USH1C: variants seen among roughly 807,000 people sequenced by gnomAD.
USH1C encodes the protein USH1 protein network component harmonin, also known as harmonin.
A neutral mutation model predicts 119.3 loss-of-function variants in USH1C; 90 were observed. That is an observed-to-expected ratio of 0.75 (90% CI 0.64 to 0.90). The LOEUF (loss-of-function observed/expected upper bound fraction) is 0.90. USH1C is among the 40% of genes least tolerant of loss of function. USH1C has a pLI of 0.00. For synonymous variants in USH1C, 465 were observed against 443.3 expected (o/e 1.05, Z -0.62); for missense variants, 1,165 against 1,167.7 (o/e 1.00, Z 0.03).
chr11:17,531,694 C>T lies in USH1C; in HGVS notation c.105-152G>A, dbSNP rs1850993720. On this transcript the variant is annotated intron_variant, in intron 2 of 26. Coordinates refer to ENST00000005226, the MANE Select transcript of USH1C (RefSeq NM_153676.4). The surrounding 1 kb of genome is among the most constrained non-coding windows in gnomAD (Gnocchi z 4.2). ...AAGCCCAGAGCTCTTCACACCGGGC[C>T]AGTGCCTGAGAAGACTTTGTTCTCT... is the stretch of plus-strand genomic sequence containing the variant. 1 of 976,130 alleles carries T rather than the reference C, an allele frequency of 1.0e-6. No homozygotes were observed. 60.5% of individuals were successfully genotyped at this position (976,130 alleles called of 1,614,324 possible). A position where few individuals can be genotyped will look rare whatever the true frequency, so the allele number is the denominator to read the frequency against.
intron 1 of USH1C, among the ~76,000 whole-genome samples, chr11:17,542,530 C>T (rs769742631): frequency 1.1e-4 from 16 of 152,184 alleles, no homozygotes; most frequent in East Asian, 1.9e-4. Flanking sequence ...GCAGAGGAAA[C>T]GTGGAGGTCT....
At chr11:17,501,439 C>G in intron 22 of USH1C, 43 bp downstream of exon 22, 1 of 1,601,518 alleles carries the variant, frequency 6.2e-7, no homozygotes, top group Non-Finnish European at 8.5e-7. Flanking sequence ...GGGGCAGGCA[C>G]AGAGAGGGAT....
At position 17,531,583 on chromosome 11, in the gene USH1C, C is replaced by A; in HGVS notation, c.105-41G>T. The A allele has an allele frequency of 1.2e-6, 2 of 1,608,738 alleles. No individual in the cohort carries two copies. The highest frequency in any genetic ancestry group is 8.5e-7 in the Non-Finnish European group (1 of 1,179,468). ...GAATGCCTGGAGCCTCACCCCTGGC[C>A]ATGACCTCAGGCACCCAGGGATTCC... On this transcript the variant is annotated intron_variant, in intron 2 of 26. Coordinates refer to ENST00000005226, the MANE Select transcript of USH1C (RefSeq NM_153676.4). This position sits in a 1 kb window ranked among gnomAD's most constrained non-coding sequence, Gnocchi z 4.2.
Position 17,509,737 on chromosome 11 carries a change from G to T in USH1C, c.1632C>A (p.Asp544Glu), listed in dbSNP as rs142545736. The change falls in exon 18 of 27, where the codon GAC becomes GAA. Residue 544 changes from aspartate (D) to glutamate (E), a missense_variant. Transcript: ENST00000005226. ...AGTAGAACATGTCCAAAGGGATGTC[G>T]TCCAGGTCAGTGGTGTGCAGGTGCA... Reference protein sequence around the residue: ...GGLHLHTTDLDDIPLDMFYYP... With the variant: ...GGLHLHTTDLEDIPLDMFYYP... 1.8e-5 allele frequency: 29 copies of T among 1,601,808 alleles called. No individual in the cohort carries two copies. In the East Asian group the frequency reaches 5.6e-4, roughly 31 times the overall value.
chr11:17,526,519 G>T, intron 7 of USH1C, 78 bp from the exon 8 acceptor site: 1 of 1,315,076 alleles, frequency 7.6e-7, no homozygotes, highest in East Asian at 2.4e-5. Context: ...GGATCTGCAG[G>T]GCGAGCACTG....
intron 21 of USH1C, 109 bp downstream of exon 21, chr11:17,501,830 C>T (rs1849459083): frequency 1.5e-6 from 2 of 1,322,284 alleles, no homozygotes; most frequent in Non-Finnish European, 1.1e-6. Context: ...CTGTGCCCCA[C>T]CTCATCCCAG....
At chr11:17,495,545 C>T in intron 26 of USH1C, 24 bp downstream of exon 26, 4 of 1,611,022 alleles carry the variant, frequency 2.5e-6, no homozygotes, top group Non-Finnish European at 3.4e-6. Flanking sequence ...CACACAGGGC[C>T]CTGTGGCCCG....
chr11:17,498,190 G>T lies in USH1C; in HGVS notation c.2462C>A (p.Ala821Asp). The change falls in exon 24 of 27, where the codon GCC becomes GAC. Residue 821 changes from alanine to aspartate, a missense_variant. Coordinates refer to ENST00000005226, the MANE Select transcript of USH1C (RefSeq NM_153676.4). Reference sequence around the variant, plus strand: ...GCCCTGATTCCAGGCCTTCTGCAGGGCAGCCTCAGCCTCAGCCAGGGTGTA... The same window carrying T: ...GCCCTGATTCCAGGCCTTCTGCAGGTCAGCCTCAGCCTCAGCCAGGGTGTA... ...TDYTLAEAEA[A>D]LQKAWNQGGD... The T allele has an allele frequency of 6.2e-7, 1 of 1,614,124 alleles. No individual in the cohort carries two copies. The highest frequency in any genetic ancestry group is 1.1e-5 in the South Asian group (1 of 91,078).
chr11:17,506,226 C>A (rs1849644028), intron 18 of USH1C, among the ~76,000 whole-genome samples: 1 of 152,188 alleles, frequency 6.6e-6, no homozygotes, highest in South Asian at 2.1e-4. Flanking sequence ...GCCAGTGTCA[C>A]CCAGGAGACA....
In USH1C at chr11:17,501,971, T is replaced by C. The variant is rs148168494; in HGVS notation, c.2194A>G (p.Lys732Glu). The change falls in exon 21 of 27, where the codon AAA (lysine) becomes GAA (glutamate). Residue 732 changes from lysine (K) to glutamate (E), a missense_variant. Lys to Glu is a moderately conservative substitution (Grantham distance 56). Coordinates refer to ENST00000005226, the MANE Select transcript of USH1C (RefSeq NM_153676.4). ...TAGGGGTCAAAGCCTTCCTCATATT[T>C]CCGGAAATCCTGGAAGCAAAGGGAG... ...YQTAFRQDFRKYEEGFDPYSM... is the reference protein window; with the variant it reads ...YQTAFRQDFREYEEGFDPYSM... 30 of 1,613,582 alleles carry C rather than the reference T, an allele frequency of 1.9e-5. No individual in the cohort carries two copies. The African/African-American group carries it at 3.6e-4, about 19-fold the overall frequency.
chr11:17,518,145 T>A (rs1850241010), intron 14 of USH1C, among the ~76,000 whole-genome samples: 1 of 152,254 alleles, frequency 6.6e-6, no homozygotes. Flanking sequence ...TTTAAAAGCT[T>A]AACAGAACTT....
rs139527957 is a variant in USH1C at position 17,522,462 on chromosome 11, C to T, written c.1019+322G>A. ...ACATAAACAAGGCCCTAATACAACA[C>T]CAGCCTTATGGAGGTACTTGACAAA... On this transcript the variant is annotated intron_variant, in intron 12 of 26. Coordinates refer to ENST00000005226, the MANE Select transcript of USH1C (RefSeq NM_153676.4). Among the ~76,000 whole-genome samples, 61 of 152,332 alleles carry T rather than the reference C, an allele frequency of 4.0e-4. 2 individuals carry two copies. In the East Asian group the frequency reaches 0.011, roughly 27 times the overall value.
At chr11:17,514,802 T>C (rs866629191) in intron 15 of USH1C, among the ~76,000 whole-genome samples, 2,584 of 146,796 alleles carry the variant, frequency 0.018, 85 homozygotes, top group African/African-American at 0.061. Context: ...CAATTCTTTT[T>C]TTTTTTTTTT....
At chr11:17,523,853 A>C (rs1055427810) in intron 9 of USH1C, among the ~76,000 whole-genome samples, 3 of 152,238 alleles carry the variant, frequency 2.0e-5, no homozygotes, top group African/African-American at 7.2e-5. Flanking sequence ...ACATTCACTG[A>C]TCACTTACAA....
chr11:17,543,364 AAT>A (rs1851552063), intron 1 of USH1C, among the ~76,000 whole-genome samples: 1 of 152,078 alleles, frequency 6.6e-6, no homozygotes, highest in Admixed American at 6.5e-5. Context: ...TTAAGTTATC[AAT>A]AGTTACCTGC....
At chr11:17,505,463 TC>T (rs1375635220) in intron 19 of USH1C, among the ~76,000 whole-genome samples, 1 of 152,210 alleles carries the variant, frequency 6.6e-6, no homozygotes, top group Non-Finnish European at 1.5e-5. Context: ...TCTCTAAACC[TC>T]CCTTTCCTCG....
At chr11:17,543,622 C>T (rs1413436187) in intron 1 of USH1C, among the ~76,000 whole-genome samples, 1 of 152,176 alleles carries the variant, frequency 6.6e-6, no homozygotes, top group African/African-American at 2.4e-5. Flanking sequence ...AGTGAGGCCC[C>T]TCACTGGGAC....
At chr11:17,505,371 G>T (rs567449951) in intron 19 of USH1C, among the ~76,000 whole-genome samples, 1 of 152,260 alleles carries the variant, frequency 6.6e-6, no homozygotes. Flanking sequence ...GGGTAACAGC[G>T]TGGGCTTTGG....
rs113015650 is a variant in USH1C at position 17,526,781 on chromosome 11, T to G, written c.551A>C (p.Tyr184Ser). 16 of 1,613,946 alleles carry G rather than the reference T, an allele frequency of 9.9e-6. No homozygotes were observed. The South Asian group carries it at 1.5e-4, about 16-fold the overall frequency. The change falls in exon 7 of 27, where the codon TAT (tyrosine) becomes TCT (serine). Residue 184 changes from tyrosine (Y) to serine (S), a missense_variant. Coordinates refer to ENST00000005226, the MANE Select transcript of USH1C (RefSeq NM_153676.4). ...AGATTCCGACACAAACTGATCCACATACTGCCAAGTGAGGGGCTCATCAGG... is the reference window on the plus strand; with the variant it reads ...AGATTCCGACACAAACTGATCCACAGACTGCCAAGTGAGGGGCTCATCAGG... ...SSPDEPLTWQ[Y>S]VDQFVSESGG...
Sources: allele counts gnomAD v4.1 joint callset (sites outside exome capture counted in the v4.1 genomes callset), GRCh38; gene constraint gnomAD v4.1.1; non-coding constraint Gnocchi (gnomAD v3.1); transcripts MANE v1.5; gene names NCBI Gene and HGNC (gene_info 2026-07-23, HGNC 2026-07-21).